The following PSME3IP1 variants were observed in gnomAD, a reference collection of about 807,000 sequenced individuals.
PSME3IP1 encodes the protein PSME3-interacting protein.
Under a neutral mutation model 34.1 loss-of-function variants are expected in PSME3IP1, and 13 were observed. The observed-to-expected ratio is 0.38, with a 90% CI of 0.25 to 0.61. The LOEUF is 0.61. Among genes scored for constraint, PSME3IP1 ranks in the 20% least tolerant of loss-of-function variants. The pLI, the probability that PSME3IP1 is intolerant of heterozygous loss-of-function variation, is 0.60. For synonymous variants in PSME3IP1, 93 were observed against 114.3 expected (o/e 0.81, Z 1.19); for missense variants, 237 against 301.4 (o/e 0.79, Z 1.58).
rs151130415 is a variant in PSME3IP1, at chr16:57,156,443, T to C, written c.548-1936A>G. Among the ~76,000 whole-genome samples, 61 of 152,282 alleles carry C rather than the reference T, an allele frequency of 4.0e-4. No individual in the cohort carries two copies. In the East Asian group the frequency reaches 0.011, roughly 27 times the overall value. Reference sequence around the variant, plus strand: ...ACCAGGAGTAAGCAAACAATACCACTGAGCAGTTAGAAGAGATATCAAACG... The same window carrying C: ...ACCAGGAGTAAGCAAACAATACCACCGAGCAGTTAGAAGAGATATCAAACG... On this transcript the variant is annotated intron_variant, in intron 6 of 6. Coordinates refer to ENST00000309137, the MANE Select transcript of PSME3IP1 (RefSeq NM_024946.4).
chr16:57,164,437 G>T lies in PSME3IP1; in HGVS notation c.483-372C>A, dbSNP rs933944139. Among the ~76,000 whole-genome samples, 5 of 152,152 alleles carry T rather than the reference G, an allele frequency of 3.3e-5. No homozygotes were observed. In the East Asian group the frequency reaches 7.7e-4, roughly 23 times the overall value. On this transcript the variant is annotated intron_variant, in intron 5 of 6. Coordinates refer to ENST00000309137, the MANE Select transcript of PSME3IP1 (RefSeq NM_024946.4). ...ACAGATTGAAGAAAACATCTTTAGT[G>T]ACATGCTAGAGATTCTGAGAGTCAC...
At chr16:57,172,019 C>A (rs2072641828) in intron 4 of PSME3IP1, among the ~76,000 whole-genome samples, 1 of 152,180 alleles carries the variant, frequency 6.6e-6, no homozygotes, top group African/African-American at 2.4e-5. Flanking sequence ...AGGATTGATG[C>A]CTTGAGTTAA....
At chr16:57,167,307 A>C (rs1400304365) in intron 4 of PSME3IP1, 81 bp from the exon 5 acceptor site, 5 of 1,487,564 alleles carry the variant, frequency 3.4e-6, no homozygotes. Context: ...TGTGCGATGT[A>C]ATGTCTGGCC....
chr16:57,175,959 G>A (rs1441807109), intron 1 of PSME3IP1, among the ~76,000 whole-genome samples: 3 of 152,196 alleles, frequency 2.0e-5, no homozygotes, highest in African/African-American at 7.2e-5. Context: ...GTAACAATAA[G>A]AGCGAATTGT....
At chr16:57,167,398 T>C (rs1295306272) in intron 4 of PSME3IP1, 172 bp from the exon 5 acceptor site, 61 of 780,716 alleles carry the variant, frequency 7.8e-5, no homozygotes, top group Non-Finnish European at 7.2e-5. Context: ...AAAGAGACCA[T>C]GGAGGAAGAC....
At chr16:57,184,434 CT>C (rs1222333558) in intron 1 of PSME3IP1, among the ~76,000 whole-genome samples, 2 of 152,078 alleles carry the variant, frequency 1.3e-5, no homozygotes, top group African/African-American at 2.4e-5. Context: ...ACAAAACAAT[CT>C]TTTTTTTAAA....
Position 57,176,401 on chromosome 16 carries a change from C to G in PSME3IP1, c.-15-2532G>C, listed in dbSNP as rs567255918. 5.9e-5 allele frequency among the ~76,000 whole-genome samples: 9 copies of G among 152,304 alleles called. No homozygotes were observed. The South Asian group carries it at 1.9e-3, about 32-fold the overall frequency. On this transcript the variant is annotated intron_variant, in intron 1 of 6. Coordinates refer to ENST00000309137, the MANE Select transcript of PSME3IP1 (RefSeq NM_024946.4). ...CCTAATATGATAATCCACTCGACAT[C>G]TGAATTTACCATACACACCCAGGAG... is the stretch of plus-strand genomic sequence containing the variant.
Position 57,173,798 on chromosome 16 carries a change from T to C in PSME3IP1, c.57A>G (p.Ala19=). 2 of 1,614,148 alleles carry C rather than the reference T, an allele frequency of 1.2e-6. No individual in the cohort carries two copies. The highest frequency in any genetic ancestry group is 1.7e-6 in the Non-Finnish European group (2 of 1,180,030). Residue 19 remains alanine (A), a synonymous_variant, in exon 2 of 7, where the codon GCA becomes GCG. Coordinates refer to ENST00000309137, the MANE Select transcript of PSME3IP1 (RefSeq NM_024946.4). ...LIIKKRFVSE[A]ELDERRKRRQ... is the part of the protein sequence containing the mutation. The stretch of plus-strand genomic sequence containing the variant: ...TCCTTTTGCGCCGTTCATCTAGTTC[T>C]GCCTCAGACACAAACCTCTTTTTGA...
At chr16:57,178,404 GT>G in intron 1 of PSME3IP1, 1 of 293,124 alleles carries the variant, frequency 3.4e-6, no homozygotes, top group Non-Finnish European at 5.1e-6. Flanking sequence ...TATTCTTTGT[GT>G]TTTATCATCT....
At position 57,172,252 on chromosome 16, in the gene PSME3IP1, C is replaced by T. The variant is rs1484731642; in HGVS notation, c.347G>A (p.Arg116Lys). ...EEELKELKEYRNNLKKVGISQ... is the reference protein window; with the variant it reads ...EEELKELKEYKNNLKKVGISQ... ...TTTTCCTCCAAGTACAAAGGATATT[C>T]TGTATTCCTTCAGTTCTTTCAGTTC... Residue 116 changes from arginine to lysine, a missense_variant and splice_region_variant, in exon 4 of 7, where the codon AGA becomes AAA. Arg to Lys is a conservative substitution (Grantham distance 26). Transcript: ENST00000309137. 3 of 1,612,560 alleles carry T rather than the reference C, an allele frequency of 1.9e-6. No homozygotes were observed. Among genetic ancestry groups the T allele is most frequent in the Non-Finnish European group, 2.5e-6 (3 of 1,179,910 alleles).
chr16:57,177,598 G>C (rs1003550599), intron 1 of PSME3IP1, among the ~76,000 whole-genome samples: 16 of 152,100 alleles, frequency 1.1e-4, no homozygotes, highest in Non-Finnish European at 2.4e-4. Flanking sequence ...AAGCGTTGCA[G>C]GGGAAAGAAA....
rs1386110621 is a variant in PSME3IP1, at chr16:57,167,221, G to C, written c.354C>G (p.Asn118Lys). Residue 118 changes from asparagine to lysine, a missense_variant, in exon 5 of 7, where the codon AAC becomes AAG. By Grantham distance (94) the Asn-to-Lys change is moderately conservative. Transcript: ENST00000309137. The stretch of plus-strand genomic sequence containing the variant: ...CTTGAGAAATTCCAACCTTCTTGAG[G>C]TTATTGTGAGTTACCAGTTAAGGGT... ...ELKELKEYRN[N>K]LKKVGISQEN... 2 of 1,614,066 alleles carry C rather than the reference G, an allele frequency of 1.2e-6. No homozygotes were observed. Among genetic ancestry groups the C allele is most frequent in the Non-Finnish European group, 1.7e-6 (2 of 1,180,042 alleles).
chr16:57,167,053 C>A (rs374273135), intron 5 of PSME3IP1, 40 bp downstream of exon 5: 1 of 1,608,568 alleles, frequency 6.2e-7, no homozygotes, highest in Admixed American at 1.7e-5. Context: ...TCAGAGTACA[C>A]GGTCAGAGAG....
chr16:57,178,310 T>C (rs1223081086), intron 1 of PSME3IP1, among the ~76,000 whole-genome samples: 1 of 152,228 alleles, frequency 6.6e-6, no homozygotes, highest in Non-Finnish European at 1.5e-5. Flanking sequence ...TTTATGAAGC[T>C]TTCCAAGACC....
At position 57,154,185 on chromosome 16, in the gene PSME3IP1, G is replaced by A. The variant is rs1351263821; in HGVS notation, c.*105C>T. ...GGTTAAAAATGTCATGTTGTACACA[G>A]GATGCAGGCAAAGGAGTTTTTTTTT... On this transcript the variant is annotated 3_prime_UTR_variant, in exon 7 of 7. Coordinates refer to ENST00000309137, the MANE Select transcript of PSME3IP1 (RefSeq NM_024946.4). The surrounding 1 kb of genome is among the most constrained non-coding windows in gnomAD (Gnocchi z 4.0). The A allele has an allele frequency of 2.3e-6, 2 of 867,670 alleles. No homozygotes were observed. The highest frequency in any genetic ancestry group is 5.1e-5 in the East Asian group (2 of 38,944). 53.7% of individuals were successfully genotyped at this position (867,670 alleles called of 1,614,324 possible).
intron 1 of PSME3IP1, among the ~76,000 whole-genome samples, chr16:57,176,146 C>A (rs1209148794): frequency 6.6e-6 from 1 of 152,234 alleles, no homozygotes; most frequent in Non-Finnish European, 1.5e-5. Context: ...TTCTACAGAA[C>A]AACCTCTTAT....
At chr16:57,158,406 A>AG (rs1425277192) in intron 6 of PSME3IP1, among the ~76,000 whole-genome samples, 1 of 151,524 alleles carries the variant, frequency 6.6e-6, no homozygotes, top group Non-Finnish European at 1.5e-5. Flanking sequence ...TGGCCAACAC[A>AG]GGGAAACCTT....
intron 5 of PSME3IP1, among the ~76,000 whole-genome samples, chr16:57,166,187 AT>A (rs1326720907): frequency 6.6e-6 from 1 of 152,238 alleles, no homozygotes; most frequent in Non-Finnish European, 1.5e-5. Context: ...TTCAAAACAT[AT>A]GGCTGGTTGC....
intron 1 of PSME3IP1, among the ~76,000 whole-genome samples, chr16:57,176,397 A>G (rs2073176474): frequency 6.6e-6 from 1 of 152,144 alleles, no homozygotes; most frequent in East Asian, 1.9e-4. Flanking sequence ...AATCCACTCG[A>G]CATCTGAATT....
Sources: allele counts gnomAD v4.1 joint callset (sites outside exome capture counted in the v4.1 genomes callset), GRCh38; gene constraint gnomAD v4.1.1; non-coding constraint Gnocchi (gnomAD v3.1); transcripts MANE v1.5; gene names NCBI Gene and HGNC (gene_info 2026-07-23, HGNC 2026-07-21).